ITPR2: variants seen among roughly 807,000 people sequenced by gnomAD.
The protein encoded by ITPR2 is inositol 1,4,5-trisphosphate-gated calcium channel ITPR2.
ITPR2 carries 207 observed loss-of-function variants against 317.1 expected under a neutral mutation model. That is an observed-to-expected ratio of 0.65 (90% CI 0.58 to 0.73). The LOEUF is 0.73. ITPR2 is among the 30% of genes least tolerant of loss of function. The pLI is 0.00. For missense variants in ITPR2, 2,613 were observed against 3,284.0 expected (o/e 0.80, Z 4.99); for synonymous variants, 1,156 against 1,149.1 (o/e 1.01, Z -0.12).
chr12:26,711,863 G>A (rs1948647819), intron 8 of ITPR2, among the ~76,000 whole-genome samples: 2 of 152,228 alleles, frequency 1.3e-5, no homozygotes, highest in African/African-American at 2.4e-5. Flanking sequence ...ACGTAGATTG[G>A]AAGAGAGAAT....
At chr12:26,669,358 G>A (rs1947696712) in intron 13 of ITPR2, among the ~76,000 whole-genome samples, 1 of 151,762 alleles carries the variant, frequency 6.6e-6, no homozygotes, top group African/African-American at 2.4e-5. Flanking sequence ...ACAGAAAGGA[G>A]GAAAAAGACA....
intron 22 of ITPR2, among the ~76,000 whole-genome samples, chr12:26,629,349 G>A (rs1946693044): frequency 6.6e-6 from 1 of 152,106 alleles, no homozygotes; most frequent in South Asian, 2.1e-4. Flanking sequence ...CACTTTGGGA[G>A]GCTGAGACAA....
At chr12:26,698,499 G>A (rs958304294) in intron 9 of ITPR2, among the ~76,000 whole-genome samples, 1 of 152,040 alleles carries the variant, frequency 6.6e-6, no homozygotes, top group Non-Finnish European at 1.5e-5. Flanking sequence ...TGAAATAAAC[G>A]AACAAACAAA....
intron 55 of ITPR2, among the ~76,000 whole-genome samples, chr12:26,357,055 C>T (rs1938663645): frequency 6.6e-6 from 1 of 151,694 alleles, no homozygotes; most frequent in South Asian, 2.1e-4. Context: ...TGGTATTTCC[C>T]GAGTGACAGA....
chr12:26,625,415 A>G (rs993721003), intron 23 of ITPR2, among the ~76,000 whole-genome samples: 1 of 152,132 alleles, frequency 6.6e-6, no homozygotes, highest in African/African-American at 2.4e-5. Context: ...CACATTGTAT[A>G]CCTGCATCAA....
chr12:26,804,338 T>C (rs1456472336), intron 1 of ITPR2, among the ~76,000 whole-genome samples: 1 of 152,204 alleles, frequency 6.6e-6, no homozygotes, highest in African/African-American at 2.4e-5. Context: ...AAGAAAATAT[T>C]CTCAGATTTA....
chr12:26,392,553 T>C (rs1338725417), intron 54 of ITPR2, among the ~76,000 whole-genome samples: 1 of 152,216 alleles, frequency 6.6e-6, no homozygotes, highest in African/African-American at 2.4e-5. Flanking sequence ...GACTCATTTT[T>C]GCATTACCAG....
intron 2 of ITPR2, among the ~76,000 whole-genome samples, chr12:26,784,176 AT>A (rs144340302): frequency 0.018 from 2,668 of 151,970 alleles, 84 homozygotes; most frequent in African/African-American, 0.062. Context: ...GTGGAAGAGA[AT>A]TCTATGTACG....
chr12:26,531,654 TAC>T (rs144906868), intron 37 of ITPR2, among the ~76,000 whole-genome samples: 7,266 of 138,670 alleles, frequency 0.052, 476 homozygotes, highest in African/African-American at 0.16. Context: ...TTACTGTATT[TAC>T]ACACACACAC....
At chr12:26,672,980 C>T (rs1288040276) in intron 13 of ITPR2, among the ~76,000 whole-genome samples, 3 of 152,228 alleles carry the variant, frequency 2.0e-5, no homozygotes, top group Admixed American at 2.0e-4. Context: ...GACACATACA[C>T]TCTCCCAAGA....
chr12:26,584,206 G>A (rs937839950), intron 32 of ITPR2, among the ~76,000 whole-genome samples: 6 of 152,154 alleles, frequency 3.9e-5, no homozygotes, highest in African/African-American at 1.4e-4. Flanking sequence ...GGATGGTCAA[G>A]GATTCCTGTT....
chr12:26,515,941 C>T (rs1943476184), intron 37 of ITPR2, among the ~76,000 whole-genome samples: 1 of 141,224 alleles, frequency 7.1e-6, no homozygotes, highest in African/African-American at 2.6e-5. Context: ...AAAATTCCAT[C>T]TCTACAAAAA....
chr12:26,607,104 C>T (rs1946148850), intron 26 of ITPR2, among the ~76,000 whole-genome samples: 1 of 152,186 alleles, frequency 6.6e-6, no homozygotes, highest in African/African-American at 2.4e-5. Context: ...TTATCCCTAT[C>T]CCACTGAAGT....
intron 37 of ITPR2, among the ~76,000 whole-genome samples, chr12:26,522,467 T>A (rs1943690573): frequency 6.6e-6 from 1 of 152,158 alleles, no homozygotes; most frequent in Admixed American, 6.5e-5. Flanking sequence ...TGTGGGTCAG[T>A]GTTTGGGGAC....
At chr12:26,538,185 T>C (rs1944153129) in intron 37 of ITPR2, among the ~76,000 whole-genome samples, 1 of 152,224 alleles carries the variant, frequency 6.6e-6, no homozygotes, top group East Asian at 1.9e-4. Context: ...TGTGTGATCT[T>C]GGGCAAGTTT....
intron 45 of ITPR2, among the ~76,000 whole-genome samples, chr12:26,446,800 C>T (rs1941619274): frequency 1.3e-5 from 2 of 148,418 alleles, no homozygotes; most frequent in African/African-American, 4.9e-5. Flanking sequence ...ACAATATTTT[C>T]ATTCATGATT....
At chr12:26,404,551 A>C (rs1348514090) in intron 52 of ITPR2, among the ~76,000 whole-genome samples, 1 of 152,222 alleles carries the variant, frequency 6.6e-6, no homozygotes, top group African/African-American at 2.4e-5. Flanking sequence ...GGTCATCAGG[A>C]AACAGTAGGA....
At chr12:26,539,070 G>A (rs1488807211) in intron 37 of ITPR2, among the ~76,000 whole-genome samples, 1 of 152,158 alleles carries the variant, frequency 6.6e-6, no homozygotes, top group East Asian at 1.9e-4. Context: ...ATAATAGTGT[G>A]GTTTTGGTGC....
chr12:26,567,210 T>C (rs1157104673), intron 34 of ITPR2, among the ~76,000 whole-genome samples: 1 of 152,196 alleles, frequency 6.6e-6, no homozygotes, highest in East Asian at 1.9e-4. Context: ...ATGAATATTT[T>C]TCTAATGACA....
Sources: gnomAD v4.1 joint callset for allele counts (sites outside exome capture counted in the v4.1 genomes callset) on GRCh38, gnomAD v4.1.1 for gene constraint, MANE v1.5 for transcripts, NCBI Gene and HGNC (gene_info 2026-07-23, HGNC 2026-07-21) for gene names.